The following ZFPM2 variants were observed in gnomAD, a reference collection of about 807,000 sequenced individuals.
ZFPM2 encodes the protein zinc finger protein ZFPM2.
ZFPM2 carries 20 observed loss-of-function variants against 98.6 expected under a neutral mutation model. That is an observed-to-expected ratio of 0.20 (90% CI 0.14 to 0.29). The LOEUF is 0.29. ZFPM2 is among the 10% of genes least tolerant of loss of function. The pLI is 1.00. For missense variants in ZFPM2, 1,310 were observed against 1,388.6 expected (o/e 0.94, Z 0.90); for synonymous variants, 518 against 502.7 (o/e 1.03, Z -0.41).
intron 5 of ZFPM2, among the ~76,000 whole-genome samples, chr8:105,720,402 T>A (rs558752084): frequency 2.0e-4 from 31 of 152,012 alleles, no homozygotes; most frequent in Non-Finnish European, 3.4e-4. Context: ...ATCATAAGTT[T>A]AAAGAGTTTT....
chr8:105,487,590 C>T (rs1161647603), intron 3 of ZFPM2, among the ~76,000 whole-genome samples: 1 of 151,944 alleles, frequency 6.6e-6, no homozygotes, highest in Non-Finnish European at 1.5e-5. Flanking sequence ...AGCAGTAGAC[C>T]ATTCATAAAT....
intron 5 of ZFPM2, among the ~76,000 whole-genome samples, chr8:105,715,255 G>A (rs544321983): frequency 6.6e-6 from 1 of 151,562 alleles, no homozygotes; most frequent in South Asian, 2.1e-4. Context: ...AGAAAATTAG[G>A]CAGATGTGGT....
intron 3 of ZFPM2, among the ~76,000 whole-genome samples, chr8:105,458,528 A>G (rs576881737): frequency 7.2e-5 from 11 of 152,336 alleles, no homozygotes; most frequent in South Asian, 2.1e-4. Flanking sequence ...AATGAAAACA[A>G]CAAATAGACA....
chr8:105,546,832 G>A (rs1814716796), intron 3 of ZFPM2, among the ~76,000 whole-genome samples: 1 of 151,946 alleles, frequency 6.6e-6, no homozygotes, highest in African/African-American at 2.4e-5. Flanking sequence ...TTGAATCCTA[G>A]GAGTATATAA....
intron 1 of ZFPM2, among the ~76,000 whole-genome samples, chr8:105,416,122 AATAAAAGATTATGTATAT>A (rs1196662273): frequency 1.3e-5 from 2 of 151,848 alleles, no homozygotes; most frequent in Non-Finnish European, 1.5e-5. Flanking sequence ...AACCTTGATA[AATAAAAGATTATGTATAT>A]ATAAATATAC....
At chr8:105,441,918 T>C (rs1479501908) in intron 2 of ZFPM2, among the ~76,000 whole-genome samples, 1 of 152,186 alleles carries the variant, frequency 6.6e-6, no homozygotes, top group Non-Finnish European at 1.5e-5. Context: ...AGCGTCTATG[T>C]AACCTGCAAA....
chr8:105,611,556 A>AG (rs1421856015), intron 4 of ZFPM2, among the ~76,000 whole-genome samples: 4 of 152,156 alleles, frequency 2.6e-5, no homozygotes, highest in African/African-American at 9.7e-5. Flanking sequence ...TCCAAGGATC[A>AG]GGGACAACAG....
At chr8:105,467,438 A>C (rs918832642) in intron 3 of ZFPM2, among the ~76,000 whole-genome samples, 10 of 152,054 alleles carry the variant, frequency 6.6e-5, no homozygotes, top group Non-Finnish European at 1.3e-4. Context: ...CCTAGTCACG[A>C]CTACTGGAAA....
chr8:105,750,633 A>G (rs573073480), intron 5 of ZFPM2, among the ~76,000 whole-genome samples: 11 of 152,086 alleles, frequency 7.2e-5, no homozygotes, highest in Non-Finnish European at 1.5e-4. Flanking sequence ...TGTACTCTGT[A>G]TGTCTGTTTT....
chr8:105,634,609 A>G (rs1816813543), intron 5 of ZFPM2, among the ~76,000 whole-genome samples: 1 of 152,108 alleles, frequency 6.6e-6, no homozygotes, highest in South Asian at 2.1e-4. Context: ...CCTGTATTTG[A>G]GTGGCTTGAC....
Position 105,348,420 on chromosome 8 carries a change from T to G in ZFPM2, c.40+29439T>G, listed in dbSNP as rs548426967. ...TGTGACACACATCAGGTTTTCGTAA[T>G]GGCTAGCTGGGATCCAAATGCCAAT... On this transcript the variant is annotated intron_variant, in intron 1 of 7. Transcript: ENST00000407775. Among the ~76,000 whole-genome samples, 5 of 152,328 alleles carry G rather than the reference T, an allele frequency of 3.3e-5. No individual in the cohort carries two copies. The South Asian group carries it at 1.0e-3, about 32-fold the overall frequency.
chr8:105,343,923 TTATA>T (rs1812473216), intron 1 of ZFPM2, among the ~76,000 whole-genome samples: 3 of 152,082 alleles, frequency 2.0e-5, no homozygotes, highest in Admixed American at 2.0e-4. Flanking sequence ...ACTGGGTAAT[TTATA>T]AAGAAAAGGA....
chr8:105,742,813 AG>A (rs1341714318), intron 5 of ZFPM2, among the ~76,000 whole-genome samples: 23 of 152,242 alleles, frequency 1.5e-4, no homozygotes, highest in African/African-American at 5.3e-4. Flanking sequence ...GAATTGCTTG[AG>A]GCAGAAGTTG....
chr8:105,638,172 G>A (rs1026248697), intron 5 of ZFPM2, among the ~76,000 whole-genome samples: 4 of 151,966 alleles, frequency 2.6e-5, no homozygotes, highest in South Asian at 2.1e-4. Flanking sequence ...TAGCAACTTC[G>A]GTGAAAAGAG....
intron 1 of ZFPM2, among the ~76,000 whole-genome samples, chr8:105,384,485 G>GT (rs906502537): frequency 3.9e-5 from 6 of 151,958 alleles, no homozygotes; most frequent in African/African-American, 1.5e-4. Flanking sequence ...TGGGAACTGT[G>GT]TTTTTTTCTC....
intron 1 of ZFPM2, among the ~76,000 whole-genome samples, chr8:105,416,259 A>C (rs1811677787): frequency 6.6e-6 from 1 of 151,684 alleles, no homozygotes; most frequent in South Asian, 2.1e-4. Flanking sequence ...TGAGCATTTC[A>C]ATATAATTTT....
intron 4 of ZFPM2, among the ~76,000 whole-genome samples, chr8:105,594,432 A>G (rs1396774092): frequency 6.6e-6 from 1 of 152,150 alleles, no homozygotes; most frequent in East Asian, 1.9e-4. Context: ...TACATTAAGT[A>G]TTTACTACTT....
chr8:105,405,875 A>AACTAGTTT (rs1190862881), intron 1 of ZFPM2, among the ~76,000 whole-genome samples: 2 of 152,118 alleles, frequency 1.3e-5, no homozygotes, highest in Non-Finnish European at 2.9e-5. Flanking sequence ...ACAATGGTTG[A>AACTAGTTT]ACTAGTTTAC....
At chr8:105,467,878 G>T (rs1301143138) in intron 3 of ZFPM2, among the ~76,000 whole-genome samples, 1 of 151,996 alleles carries the variant, frequency 6.6e-6, no homozygotes, top group Admixed American at 6.6e-5. Context: ...AAAAGACAGT[G>T]ATTTGGGGTT....
Sources: allele counts gnomAD v4.1 joint callset (sites outside exome capture counted in the v4.1 genomes callset), GRCh38; gene constraint gnomAD v4.1.1; transcripts MANE v1.5; gene names NCBI Gene and HGNC (gene_info 2026-07-23, HGNC 2026-07-21).